The following RNF145 variants were observed in gnomAD, a reference collection of about 807,000 sequenced individuals.
The protein encoded by RNF145 is ring finger protein 145.
Under a neutral mutation model 57.3 loss-of-function variants are expected in RNF145, and 12 were observed. The ratio of observed to expected loss-of-function variants is 0.21; its 90% CI spans 0.13 to 0.34. The LOEUF (loss-of-function observed/expected upper bound fraction) is 0.34, where lower values mean the gene tolerates loss of function less well. Ranked by LOEUF, RNF145 falls within the 10% of genes least tolerant of loss-of-function variation. The pLI, the probability that RNF145 is intolerant of heterozygous loss-of-function variation, is 1.00. For missense variants in RNF145, 429 were observed against 799.0 expected (o/e 0.54, Z 5.58); for synonymous variants, 262 against 288.3 (o/e 0.91, Z 0.92).
intron 4 of RNF145, 45 bp downstream of exon 4, chr5:159,181,915 A>G: frequency 1.8e-6 from 2 of 1,090,622 alleles, no homozygotes; most frequent in South Asian, 1.3e-5. Context: ...AGTTAGTAAG[A>G]CTGGTCGGTT....
chr5:159,184,077 A>G (rs1427718534), intron 3 of RNF145, among the ~76,000 whole-genome samples: 1 of 152,190 alleles, frequency 6.6e-6, no homozygotes, highest in Non-Finnish European at 1.5e-5. Flanking sequence ...CCTCAGTCCC[A>G]AGTGTCTCTT....
intron 1 of RNF145, chr5:159,208,119 G>C: frequency 7.0e-7 from 1 of 1,436,982 alleles, no homozygotes; most frequent in Non-Finnish European, 9.1e-7. Context: ...CTCTCTCCCC[G>C]CACCTCCTCC....
chr5:159,193,727 T>C (rs1051466877), intron 3 of RNF145, among the ~76,000 whole-genome samples: 6 of 152,170 alleles, frequency 3.9e-5, no homozygotes, highest in Admixed American at 1.3e-4. Flanking sequence ...AAAGTTAATG[T>C]TTTTAAAAAC....
intron 3 of RNF145, among the ~76,000 whole-genome samples, chr5:159,189,218 G>A (rs997752660): frequency 6.6e-6 from 1 of 151,912 alleles, no homozygotes; most frequent in Non-Finnish European, 1.5e-5. Flanking sequence ...TCTGATAAGG[G>A]ACTTGTATCT....
chr5:159,207,450 A>C, intron 1 of RNF145: 2 of 1,465,220 alleles, frequency 1.4e-6, no homozygotes, highest in Non-Finnish European at 1.8e-6. Flanking sequence ...CCCCCTAAAA[A>C]AGAAAAACAA....
At chr5:159,159,152 A>G in intron 10 of RNF145, 117 bp from the exon 11 acceptor site, 1 of 905,614 alleles carries the variant, frequency 1.1e-6, no homozygotes, top group Non-Finnish European at 1.7e-6. Context: ...TGTAACATAG[A>G]TCTTAGAATA....
intron 9 of RNF145, 59 bp downstream of exon 9, chr5:159,162,873 T>C: frequency 7.1e-7 from 1 of 1,411,078 alleles, no homozygotes; most frequent in South Asian, 1.4e-5. Context: ...TAATTCCTCC[T>C]CTGGGAGGAA....
At chr5:159,190,192 C>G (rs1057474125) in intron 3 of RNF145, among the ~76,000 whole-genome samples, 1 of 152,086 alleles carries the variant, frequency 6.6e-6, no homozygotes, top group Non-Finnish European at 1.5e-5. Context: ...AAAGTGCATG[C>G]CACCACACCC....
chr5:159,196,275 G>A lies in RNF145; in HGVS notation c.185-1451C>T, dbSNP rs147164111. Among the ~76,000 whole-genome samples the A allele has an allele frequency of 3.3e-4, 48 of 146,540 alleles. No homozygotes were observed. In the East Asian group the frequency reaches 9.6e-3, roughly 29 times the overall value. ...ATTTTAAGCTCATCAGCTATCACTA[G>A]TGTTAGCATATTTTATGTGTGGCCC... On this transcript the variant is annotated intron_variant, in intron 2 of 10. Coordinates refer to ENST00000424310, the MANE Select transcript of RNF145 (RefSeq NM_001199383.2).
intron 4 of RNF145, among the ~76,000 whole-genome samples, chr5:159,178,282 TTA>T (rs1479131116): frequency 1.3e-5 from 2 of 152,016 alleles, no homozygotes; most frequent in African/African-American, 4.8e-5. Context: ...GTTTAGCTGG[TTA>T]TCTCAAAACT....
At chr5:159,191,327 C>T (rs913393176) in intron 3 of RNF145, among the ~76,000 whole-genome samples, 3 of 152,094 alleles carry the variant, frequency 2.0e-5, no homozygotes, top group Non-Finnish European at 2.9e-5. Context: ...GTGGAATGAA[C>T]TAGATTGTGA....
chr5:159,187,633 T>C lies in RNF145; in HGVS notation c.294-5582A>G, dbSNP rs376978180. 7.2e-5 allele frequency among the ~76,000 whole-genome samples: 11 copies of C among 152,272 alleles called. No homozygotes were observed. In the East Asian group the frequency reaches 2.1e-3, roughly 30 times the overall value. On this transcript the variant is annotated intron_variant, in intron 3 of 10. Transcript: ENST00000424310. ...TGTGCCACCACTCCCGGCCTATCTA[T>C]AGTAGTTCTTAACTGAGGACAGTTT...
At chr5:159,189,017 TC>T (rs1562066869) in intron 3 of RNF145, among the ~76,000 whole-genome samples, 1 of 152,226 alleles carries the variant, frequency 6.6e-6, no homozygotes, top group African/African-American at 2.4e-5. Flanking sequence ...GTGCTGATTC[TC>T]CTTCTCAGGA....
intron 1 of RNF145, among the ~76,000 whole-genome samples, chr5:159,205,240 A>G (rs760074460): frequency 6.6e-6 from 1 of 152,224 alleles, no homozygotes; most frequent in Non-Finnish European, 1.5e-5. Flanking sequence ...AATTCTGATT[A>G]TTTCACATGA....
At chr5:159,182,485 T>C (rs1424030273) in intron 3 of RNF145, among the ~76,000 whole-genome samples, 2 of 152,064 alleles carry the variant, frequency 1.3e-5, no homozygotes, top group Admixed American at 6.6e-5. Context: ...CCCGATTATA[T>C]TTTATTAGTC....
intron 4 of RNF145, among the ~76,000 whole-genome samples, chr5:159,179,083 G>C (rs1248083721): frequency 2.0e-5 from 3 of 152,072 alleles, no homozygotes; most frequent in African/African-American, 7.2e-5. Context: ...AAATGTCCTT[G>C]TTGAGCACAA....
intron 3 of RNF145, among the ~76,000 whole-genome samples, chr5:159,189,937 C>T (rs1785230205): frequency 6.6e-6 from 1 of 152,128 alleles, no homozygotes; most frequent in Non-Finnish European, 1.5e-5. Flanking sequence ...ACAATGATTG[C>T]TAATGGGTAT....
intron 2 of RNF145, among the ~76,000 whole-genome samples, chr5:159,200,510 C>T (rs1262217757): frequency 6.6e-6 from 1 of 152,000 alleles, no homozygotes; most frequent in Non-Finnish European, 1.5e-5. Context: ...ATACCTATAA[C>T]ACACTATTCA....
At chr5:159,201,160 T>C (rs1307806406) in intron 2 of RNF145, among the ~76,000 whole-genome samples, 1 of 152,170 alleles carries the variant, frequency 6.6e-6, no homozygotes, top group Non-Finnish European at 1.5e-5. Context: ...AATACAGTAT[T>C]TGCAACATGC....
Sources: gnomAD v4.1 joint callset for allele counts (sites outside exome capture counted in the v4.1 genomes callset) on GRCh38, gnomAD v4.1.1 for gene constraint, MANE v1.5 for transcripts, NCBI Gene and HGNC (gene_info 2026-07-23, HGNC 2026-07-21) for gene names.